The following ABCA12 variants were observed in gnomAD, a reference collection of about 807,000 sequenced individuals.
ABCA12 encodes the protein glucosylceramide transporter ABCA12.
In ABCA12, 156 loss-of-function variants were observed where a neutral mutation model predicts 293.5. The observed-to-expected ratio is 0.53, with a 90% CI of 0.47 to 0.61. The LOEUF (loss-of-function observed/expected upper bound fraction) is 0.61, where lower values mean the gene tolerates loss of function less well. Ranked by LOEUF, ABCA12 falls within the 20% of genes least tolerant of loss-of-function variation. The pLI is 0.00. For synonymous variants in ABCA12, 1,063 were observed against 1,108.0 expected (o/e 0.96, Z 0.81); for missense variants, 2,797 against 3,090.2 (o/e 0.91, Z 2.25).
chr2:214,983,806 T>A lies in ABCA12; in HGVS notation c.4223A>T (p.Asp1408Val). 6.2e-7 allele frequency: 1 copy of A among 1,613,972 alleles called. No homozygotes were observed. The highest frequency in any genetic ancestry group is 8.5e-7 in the Non-Finnish European group (1 of 1,179,974). Residue 1408 changes from aspartate to valine, a missense_variant, in exon 29 of 53, where the codon GAT becomes GTT. By Grantham distance (152) the Asp-to-Val change is radical. Around this residue, in one of 3 missense-constraint regions of ABCA12, gnomAD observed 2,130 missense variants for 2,427.0 expected, o/e 0.88. Transcript: ENST00000272895. Reference sequence around the variant, plus strand: ...TACCGTGTGTAGGTCTGTTTTGATATCTTTTCCATATACAAAAATGGTGCC... The same window carrying A: ...TACCGTGTGTAGGTCTGTTTTGATAACTTTTCCATATACAAAAATGGTGCC... ...SAGTIFVYGK[D>V]IKTDLHTVRK...
intron 2 of ABCA12, among the ~76,000 whole-genome samples, chr2:215,067,740 T>G (rs1701664506): frequency 6.6e-6 from 1 of 152,052 alleles, no homozygotes; most frequent in African/African-American, 2.4e-5. Flanking sequence ...AGAGAGGTCA[T>G]TCTCATTGAA....
chr2:214,993,770 G>A (rs1699976526), intron 23 of ABCA12, among the ~76,000 whole-genome samples: 1 of 152,196 alleles, frequency 6.6e-6, no homozygotes, highest in African/African-American at 2.4e-5. Flanking sequence ...CTGATGTCAT[G>A]TGTATAAACG....
chr2:215,019,603 A>G lies in ABCA12; in HGVS notation c.1481T>C (p.Ile494Thr). ...AASLLYHDNV[I>T]SKKVRDLLTG... Reference sequence around the variant, plus strand: ...CAGCAAATCTCTCACTTTTTTAGATATGACATTGTCATGGTACAGTAAGCT... The same window carrying G: ...CAGCAAATCTCTCACTTTTTTAGATGTGACATTGTCATGGTACAGTAAGCT... The change falls in exon 12 of 53, where the codon ATA (isoleucine) becomes ACA (threonine). Residue 494 changes from isoleucine to threonine, a missense_variant. Ile to Thr is a moderately conservative substitution (Grantham distance 89, BLOSUM62 -1). Transcript: ENST00000272895. The G allele has an allele frequency of 6.2e-7, 1 of 1,614,202 alleles. No individual in the cohort carries two copies. The highest frequency in any genetic ancestry group is 8.5e-7 in the Non-Finnish European group (1 of 1,180,046).
intron 15 of ABCA12, among the ~76,000 whole-genome samples, chr2:215,012,763 C>T (rs79410010): frequency 0.013 from 2,047 of 151,908 alleles, 48 homozygotes; most frequent in African/African-American, 0.045. Flanking sequence ...GAGTTAATCA[C>T]GAAAAATGAG....
At position 214,978,375 on chromosome 2, in the gene ABCA12, T is replaced by C. The variant is rs766799047; in HGVS notation, c.5069A>G (p.Asn1690Ser). 2 of 1,614,082 alleles carry C rather than the reference T, an allele frequency of 1.2e-6. No homozygotes were observed. Among genetic ancestry groups the C allele is most frequent in the Middle Eastern group, 1.7e-4 (1 of 6,060 alleles). ...TAAATCGTCAGGAGTTGAGATGCCATTGGCATTGGAATTCCCAATTTTCTT... is the reference window on the plus strand; with the variant it reads ...TAAATCGTCAGGAGTTGAGATGCCACTGGCATTGGAATTCCCAATTTTCTT... ...TQKKIGNSNA[N>S]GISTPDDLSV... is the part of the protein sequence containing the mutation. Residue 1690 changes from asparagine to serine, a missense_variant, in exon 33 of 53, where the codon AAT becomes AGT. Transcript: ENST00000272895.
At chr2:215,038,169 C>G (rs115619269) in intron 7 of ABCA12, among the ~76,000 whole-genome samples, 1 of 152,042 alleles carries the variant, frequency 6.6e-6, no homozygotes, top group Non-Finnish European at 1.5e-5. Context: ...TAAGGATATA[C>G]ATGTGGATAT....
intron 2 of ABCA12, among the ~76,000 whole-genome samples, chr2:215,073,867 G>A (rs1701785724): frequency 6.6e-6 from 1 of 152,214 alleles, no homozygotes; most frequent in African/African-American, 2.4e-5. Flanking sequence ...GTAGAGTGGG[G>A]AAGCATCGGG....
chr2:215,045,705 T>G, intron 7 of ABCA12, 132 bp downstream of exon 7: 2 of 816,038 alleles, frequency 2.5e-6, no homozygotes, highest in Non-Finnish European at 3.9e-6. Context: ...TGCTAAAATC[T>G]GCAATAAGAG....
chr2:215,130,092 T>G (rs1249750100), intron 1 of ABCA12, among the ~76,000 whole-genome samples: 13 of 152,214 alleles, frequency 8.5e-5, no homozygotes, highest in Non-Finnish European at 2.9e-5. Context: ...TGTGTCTATT[T>G]TTGTATCAGT....
At chr2:214,943,136 C>A (rs1256351028) in intron 49 of ABCA12, 119 bp from the exon 50 acceptor site, 5 of 790,250 alleles carry the variant, frequency 6.3e-6, no homozygotes, top group African/African-American at 1.8e-5. Flanking sequence ...TAGTTTTTTT[C>A]TTTTCTTTGT....
intron 8 of ABCA12, among the ~76,000 whole-genome samples, chr2:215,033,421 C>T (rs10206852): frequency 0.72 from 109,288 of 152,014 alleles, 43,113 homozygotes; most frequent in East Asian, 0.95. Flanking sequence ...TTCTCTTTTT[C>T]GTCAAGCCAT....
intron 35 of ABCA12, 60 bp from the exon 36 acceptor site, chr2:214,974,102 TATGA>T: frequency 7.1e-7 from 1 of 1,409,152 alleles, no homozygotes; most frequent in Non-Finnish European, 1.0e-6. Context: ...CATGTTTACA[TATGA>T]GCATGTAAAC....
At chr2:215,132,422 T>C (rs1703079473) in intron 1 of ABCA12, among the ~76,000 whole-genome samples, 1 of 152,052 alleles carries the variant, frequency 6.6e-6, no homozygotes, top group East Asian at 1.9e-4. Flanking sequence ...GGTGCTTCCG[T>C]ATTGGGTTAA....
In ABCA12 at chr2:214,983,856, T is replaced by C. The variant is rs374837529; in HGVS notation, c.4173A>G (p.Leu1391=). ...GAGKTTTISM[L]TGLFGASAGT... ...CTGCTGAGGCCCCAAACAGCCCAGT[T>C]AACATGGAACTGGAAATGAAGAAAT... The change falls in exon 29 of 53, where the codon TTA becomes TTG. Residue 1391 remains leucine, a synonymous_variant. Transcript: ENST00000272895. 5 of 1,613,782 alleles carry C rather than the reference T, an allele frequency of 3.1e-6. No individual in the cohort carries two copies. Among genetic ancestry groups the C allele is most frequent in the Non-Finnish European group, 4.2e-6 (5 of 1,179,956 alleles).
rs1320344915 is a variant in ABCA12 at position 215,004,276 on chromosome 2, C to T, written c.2616G>A (p.Val872=). 1.2e-6 allele frequency: 2 copies of T among 1,613,328 alleles called. No homozygotes were observed. Among genetic ancestry groups the T allele is most frequent in the South Asian group, 1.1e-5 (1 of 91,042 alleles). The change falls in exon 20 of 53, where the codon GTG becomes GTA. Residue 872 remains valine, a synonymous_variant. Coordinates refer to ENST00000272895, the MANE Select transcript of ABCA12 (RefSeq NM_173076.3). The part of the protein sequence containing the change: ...MLQNTLRNPF[V]QVFVKFSVGL... ...CCACGGAGAACTTTACAAAAACTTGCACAAAAGGGTTCCTTAGAGTATTCT... is the reference window on the plus strand; with the variant it reads ...CCACGGAGAACTTTACAAAAACTTGTACAAAAGGGTTCCTTAGAGTATTCT...
intron 1 of ABCA12, among the ~76,000 whole-genome samples, chr2:215,134,424 A>G (rs1158052442): frequency 1.4e-5 from 2 of 144,920 alleles, no homozygotes; most frequent in Non-Finnish European, 3.0e-5. Context: ...ATGTACATAT[A>G]TGTATATGTG....
At chr2:214,985,009 G>A (rs571934821) in intron 28 of ABCA12, among the ~76,000 whole-genome samples, 1 of 152,312 alleles carries the variant, frequency 6.6e-6, no homozygotes, top group African/African-American at 2.4e-5. Context: ...GTCAAGGAAA[G>A]GTCCTGTTTT....
intron 4 of ABCA12, 115 bp downstream of exon 4, chr2:215,054,458 G>T: frequency 2.3e-6 from 2 of 888,890 alleles, no homozygotes; most frequent in Non-Finnish European, 1.9e-6. Context: ...ATCTCACAGG[G>T]CTATTCTAAG....
In ABCA12 at chr2:215,019,396, T is replaced by C; in HGVS notation, c.1597A>G (p.Ile533Val). 2 of 1,613,638 alleles carry C rather than the reference T, an allele frequency of 1.2e-6. No individual in the cohort carries two copies. Among genetic ancestry groups the C allele is most frequent in the Non-Finnish European group, 1.7e-6 (2 of 1,180,022 alleles). ...TGCAGCATGGCTTCTATGATCGGTA[T>C]TAACTGAGTGATATTTTCCAAGTAA... ...MNYLENITQLIPIIEAMLHVN... is the reference protein window; with the variant it reads ...MNYLENITQLVPIIEAMLHVN... The change falls in exon 13 of 53, where the codon ATA (isoleucine) becomes GTA (valine). Residue 533 changes from isoleucine to valine, a missense_variant. By Grantham distance (29) the Ile-to-Val change is conservative. Around this residue, in one of 3 missense-constraint regions of ABCA12, gnomAD observed 656 missense variants for 638.2 expected, o/e 1.03. Transcript: ENST00000272895.
Sources: gnomAD v4.1 joint callset for allele counts (sites outside exome capture counted in the v4.1 genomes callset) on GRCh38, gnomAD v4.1.1 for gene constraint, gnomAD v4.1.1 regional missense constraint, MANE v1.5 for transcripts, NCBI Gene and HGNC (gene_info 2026-07-23, HGNC 2026-07-21) for gene names.